Variants in LUZP2 observed in about 807,000 individuals in gnomAD.
The protein encoded by LUZP2 is leucine zipper protein 2.
In LUZP2, 52 loss-of-function variants were observed where a neutral mutation model predicts 51.6. The observed-to-expected ratio is 1.01, with a 90% CI of 0.81 to 1.27. The LOEUF (loss-of-function observed/expected upper bound fraction) is 1.27. Ranked by LOEUF, LUZP2 falls within the 50% of genes most tolerant of loss-of-function variation. The pLI is 0.00. For missense variants in LUZP2, 436 were observed against 395.4 expected (o/e 1.10, Z -0.87); for synonymous variants, 154 against 137.3 (o/e 1.12, Z -0.85).
chr11:25,038,222 T>G (rs540904115), intron 9 of LUZP2, among the ~76,000 whole-genome samples: 2 of 152,144 alleles, frequency 1.3e-5, no homozygotes, highest in Non-Finnish European at 1.5e-5. Context: ...TTTAAAAAAT[T>G]TTTCTGTCTG....
intron 5 of LUZP2, among the ~76,000 whole-genome samples, chr11:24,870,253 C>T (rs1363111798): frequency 1.3e-5 from 2 of 152,124 alleles, no homozygotes. Flanking sequence ...TCACCTCTTG[C>T]ACAACCACAT....
At chr11:25,056,580 C>G (rs145928489) in intron 10 of LUZP2, among the ~76,000 whole-genome samples, 1 of 152,034 alleles carries the variant, frequency 6.6e-6, no homozygotes, top group Non-Finnish European at 1.5e-5. Context: ...CTAACATTGT[C>G]GCTCTGGGAA....
chr11:24,836,205 C>A (rs953248965), intron 5 of LUZP2, among the ~76,000 whole-genome samples: 2 of 151,796 alleles, frequency 1.3e-5, no homozygotes. Flanking sequence ...CTGATTTGAG[C>A]AAGTGAGAAA....
chr11:24,680,751 ATATAT>A (rs1304348492), intron 1 of LUZP2, among the ~76,000 whole-genome samples: 1 of 152,138 alleles, frequency 6.6e-6, no homozygotes, highest in African/African-American at 2.4e-5. Context: ...TCCTTACGAA[ATATAT>A]TATTATATTC....
At chr11:24,823,538 T>C (rs1401438205) in intron 5 of LUZP2, among the ~76,000 whole-genome samples, 1 of 152,136 alleles carries the variant, frequency 6.6e-6, no homozygotes, top group Non-Finnish European at 1.5e-5. Flanking sequence ...AAAATGATTC[T>C]ATTCATTTGT....
chr11:24,800,641 C>T (rs916155518), intron 5 of LUZP2, among the ~76,000 whole-genome samples: 1 of 151,920 alleles, frequency 6.6e-6, no homozygotes, highest in African/African-American at 2.4e-5. Flanking sequence ...CTTCCTCATG[C>T]ATCTCTAATT....
chr11:24,810,672 G>A (rs1174986595), intron 5 of LUZP2, among the ~76,000 whole-genome samples: 1 of 152,154 alleles, frequency 6.6e-6, no homozygotes, highest in Non-Finnish European at 1.5e-5. Context: ...AGGTGGTATG[G>A]ACAAAAATAA....
chr11:25,019,679 G>C (rs570793109), intron 9 of LUZP2, among the ~76,000 whole-genome samples: 1 of 152,162 alleles, frequency 6.6e-6, no homozygotes, highest in South Asian at 2.1e-4. Flanking sequence ...TAGCAGAATA[G>C]ATGATGGATT....
chr11:24,815,307 G>T (rs534406364), intron 5 of LUZP2, among the ~76,000 whole-genome samples: 1 of 152,224 alleles, frequency 6.6e-6, no homozygotes, highest in South Asian at 2.1e-4. Flanking sequence ...ATGCAATATT[G>T]ATCTTACTCT....
chr11:24,951,520 T>C (rs758593542), intron 7 of LUZP2, among the ~76,000 whole-genome samples: 6 of 151,642 alleles, frequency 4.0e-5, no homozygotes, highest in Non-Finnish European at 7.4e-5. Flanking sequence ...GCATTTACGA[T>C]TGTGTAAATG....
intron 1 of LUZP2, among the ~76,000 whole-genome samples, chr11:24,520,154 C>T (rs1850598365): frequency 6.6e-6 from 1 of 152,014 alleles, no homozygotes; most frequent in South Asian, 2.1e-4. Context: ...GACCTGTGTA[C>T]CCTTAAAAGG....
At chr11:24,622,809 A>C (rs960925519) in intron 1 of LUZP2, among the ~76,000 whole-genome samples, 32 of 152,228 alleles carry the variant, frequency 2.1e-4, no homozygotes, top group African/African-American at 7.7e-4. Flanking sequence ...GTTTTTGAGA[A>C]AATAGTTGTT....
intron 1 of LUZP2, among the ~76,000 whole-genome samples, chr11:24,724,876 T>A (rs1858413379): frequency 6.6e-6 from 1 of 152,194 alleles, no homozygotes; most frequent in African/African-American, 2.4e-5. Context: ...TAGCAATATC[T>A]ATTTAGACAA....
rs147298724 is a variant in LUZP2 at position 24,880,802 on chromosome 11, A to G, written c.397-25189A>G. Among the ~76,000 whole-genome samples, 149 of 151,954 alleles carry G rather than the reference A, an allele frequency of 9.8e-4. 1 individual carries two copies. The highest frequency in any genetic ancestry group is 4.8e-3 in the South Asian group (23 of 4,810). On this transcript the variant is annotated intron_variant, in intron 5 of 11. Transcript: ENST00000336930. ...TGTGTGTTTGTGTTTTGGAACTCGG[A>G]TGTTTTACCCAATGCTAGACACCTA... is the stretch of plus-strand genomic sequence containing the variant.
In LUZP2 at chr11:24,630,466, T is replaced by G. The variant is rs560231561; in HGVS notation, c.63-98703T>G. 1.2e-4 allele frequency among the ~76,000 whole-genome samples: 19 copies of G among 152,190 alleles called. No individual in the cohort carries two copies. The South Asian group carries it at 3.9e-3, about 32-fold the overall frequency. On this transcript the variant is annotated intron_variant, in intron 1 of 11. Transcript: ENST00000336930. Reference sequence around the variant, plus strand: ...AGGGTGTCTTTTCTACAATGTATGTTCTTGTGGACCTTGTCAAAGATTAGT... The same window carrying G: ...AGGGTGTCTTTTCTACAATGTATGTGCTTGTGGACCTTGTCAAAGATTAGT...
At chr11:25,030,913 TTGTATTATATATATATA>T (rs1565254344) in intron 9 of LUZP2, among the ~76,000 whole-genome samples, 13 of 16,530 alleles carry the variant, frequency 7.9e-4, no homozygotes, top group African/African-American at 3.9e-3. Context: ...ATAATATATA[TTGTATTATATATATATA>T]ATATATATTA....
intron 1 of LUZP2, among the ~76,000 whole-genome samples, chr11:24,522,483 T>C (rs1198940839): frequency 6.6e-6 from 1 of 152,136 alleles, no homozygotes; most frequent in Admixed American, 6.6e-5. Flanking sequence ...TATGAACCAA[T>C]AGAGGCTTCT....
chr11:24,774,486 A>G (rs1750788209), intron 5 of LUZP2, among the ~76,000 whole-genome samples: 1 of 126,976 alleles, frequency 7.9e-6, no homozygotes, highest in South Asian at 2.4e-4. Context: ...GAGAATATAT[A>G]TATAAAGAAT....
chr11:25,000,768 C>T (rs1017558141), intron 9 of LUZP2, among the ~76,000 whole-genome samples: 1 of 152,178 alleles, frequency 6.6e-6, no homozygotes, highest in Non-Finnish European at 1.5e-5. Flanking sequence ...TAAGAAGGTG[C>T]AAAGTCCTCC....
Sources: allele counts gnomAD v4.1 joint callset (sites outside exome capture counted in the v4.1 genomes callset), GRCh38; gene constraint gnomAD v4.1.1; transcripts MANE v1.5; gene names NCBI Gene and HGNC (gene_info 2026-07-23, HGNC 2026-07-21).